Variants in KIRREL3 observed in about 807,000 individuals in gnomAD.
KIRREL3 encodes kirre like nephrin family adhesion molecule 3.
KIRREL3 carries 36 observed loss-of-function variants against 89.7 expected under a neutral mutation model. The observed-to-expected ratio is 0.40, with a 90% CI of 0.31 to 0.53. The LOEUF is 0.53. Ranked by LOEUF, KIRREL3 falls within the 20% of genes least tolerant of loss-of-function variation. The pLI is 0.49. For synonymous variants in KIRREL3, 445 were observed against 441.4 expected, an observed-to-expected ratio of 1.01 and a Z score of -0.10; for missense variants, 864 against 1,056.6, an observed-to-expected ratio of 0.82 and a Z score of 2.53.
intron 1 of KIRREL3, among the ~76,000 whole-genome samples, chr11:126,942,472 C>T (rs1044510663): frequency 1.3e-5 from 2 of 152,118 alleles, no homozygotes; most frequent in Admixed American, 6.5e-5. Context: ...AGGCATAACC[C>T]TAGCCATGGA....
At chr11:126,481,523 C>T (rs1051885676) in intron 4 of KIRREL3, among the ~76,000 whole-genome samples, 19 of 152,226 alleles carry the variant, frequency 1.2e-4, no homozygotes, top group Non-Finnish European at 7.3e-5. Flanking sequence ...CTCCCAGACA[C>T]CCATCCATCC....
chr11:126,798,488 A>G (rs1319670452), intron 1 of KIRREL3, among the ~76,000 whole-genome samples: 1 of 152,246 alleles, frequency 6.6e-6, no homozygotes, highest in African/African-American at 2.4e-5. Flanking sequence ...TTGATGTTTC[A>G]CTGAAATAAT....
Position 126,773,272 on chromosome 11 carries a change from G to A in KIRREL3, c.56-210360C>T, listed in dbSNP as rs926971419. On this transcript the variant is annotated intron_variant, in intron 1 of 16. Coordinates refer to ENST00000525144, the MANE Select transcript of KIRREL3 (RefSeq NM_032531.4). The surrounding 1 kb of genome is among the most constrained non-coding windows in gnomAD (Gnocchi z 4.2). The stretch of plus-strand genomic sequence containing the variant: ...GTTAACACTCTTGAATCAGGGGACT[G>A]AGTGAAGTCAATACAGTGTGGGTCG... Among the ~76,000 whole-genome samples the A allele has an allele frequency of 2.0e-5, 3 of 152,180 alleles. No homozygotes were observed. Among genetic ancestry groups the A allele is most frequent in the Non-Finnish European group, 2.9e-5 (2 of 68,036 alleles).
At chr11:126,556,857 C>A (rs778044543) in intron 2 of KIRREL3, among the ~76,000 whole-genome samples, 3 of 152,222 alleles carry the variant, frequency 2.0e-5, no homozygotes, top group Admixed American at 6.5e-5. Flanking sequence ...GTAAATCTGA[C>A]TCTTGCCATA....
intron 16 of KIRREL3, 112 bp from the exon 17 acceptor site, chr11:126,425,135 G>C (rs1954891983): frequency 2.0e-6 from 2 of 1,015,728 alleles, no homozygotes; most frequent in South Asian, 1.8e-5. Context: ...GGGAAAACAG[G>C]AGGAAGGGAG....
intron 1 of KIRREL3, among the ~76,000 whole-genome samples, chr11:126,678,080 G>A (rs556263029): frequency 1.1e-4 from 17 of 152,258 alleles, no homozygotes; most frequent in South Asian, 6.2e-4. Flanking sequence ...ATGGTTATAC[G>A]CGGTAATGAA....
chr11:126,519,727 G>T lies in KIRREL3; in HGVS notation c.433+1588C>A, dbSNP rs181776632. On this transcript the variant is annotated intron_variant, in intron 4 of 16. Transcript: ENST00000525144. This position sits in a 1 kb window ranked among gnomAD's most constrained non-coding sequence, Gnocchi z 4.3. Reference sequence around the variant, plus strand: ...CTGAAGATGAGGAGCCTACAACTTAGCAAATCTGTTCTGGCATTTTGCAAT... The same window carrying T: ...CTGAAGATGAGGAGCCTACAACTTATCAAATCTGTTCTGGCATTTTGCAAT... Among the ~76,000 whole-genome samples the T allele has an allele frequency of 6.6e-5, 10 of 152,254 alleles. No homozygotes were observed. The East Asian group carries it at 1.5e-3, about 24-fold the overall frequency.
At chr11:126,899,914 A>G (rs538907974) in intron 1 of KIRREL3, among the ~76,000 whole-genome samples, 2 of 152,362 alleles carry the variant, frequency 1.3e-5, no homozygotes, top group South Asian at 4.1e-4. Flanking sequence ...GAGCTCCTAG[A>G]CACAGAACAT....
intron 15 of KIRREL3, among the ~76,000 whole-genome samples, chr11:126,426,322 A>G (rs936341287): frequency 6.6e-6 from 1 of 152,212 alleles, no homozygotes; most frequent in African/African-American, 2.4e-5. Flanking sequence ...TAACTTCCTT[A>G]GAGATGCCAA....
intron 1 of KIRREL3, among the ~76,000 whole-genome samples, chr11:126,577,592 C>CAAAAAAAAAA (rs61210940): frequency 1.0e-4 from 12 of 115,856 alleles, no homozygotes; most frequent in Middle Eastern, 5.2e-3. Context: ...ACTAAAAATA[C>CAAAAAAAAAA]AAAAAAAAAA....
chr11:126,464,360 A>AAC (rs1348437959), intron 5 of KIRREL3, among the ~76,000 whole-genome samples: 1 of 146,084 alleles, frequency 6.8e-6, no homozygotes, highest in East Asian at 2.2e-4. Context: ...AAAAAAAAAA[A>AAC]AAGAAAAAAA....
At chr11:126,964,066 A>G (rs1273761748) in intron 1 of KIRREL3, among the ~76,000 whole-genome samples, 1 of 152,180 alleles carries the variant, frequency 6.6e-6, no homozygotes, top group Non-Finnish European at 1.5e-5. Flanking sequence ...TTCATTTTCC[A>G]TCTCTAGCAA....
chr11:126,961,469 C>T (rs1310474553), intron 1 of KIRREL3, among the ~76,000 whole-genome samples: 2 of 152,180 alleles, frequency 1.3e-5, no homozygotes, highest in Admixed American at 6.5e-5. Context: ...TAAGCCAACA[C>T]CTAATACAGA....
rs187674617 is a variant in KIRREL3, at chr11:126,490,484, G to T, written c.434-17018C>A. 1.2e-3 allele frequency among the ~76,000 whole-genome samples: 183 copies of T among 152,208 alleles called. No homozygotes were observed. Among genetic ancestry groups the T allele is most frequent in the Non-Finnish European group, 1.8e-3 (124 of 68,012 alleles). ...TCCACGGGTGCTCAGAAATCCTGGG[G>T]GCTGAGATACAACCTCAGTGAACAA... On this transcript the variant is annotated intron_variant, in intron 4 of 16. Transcript: ENST00000525144. This position sits in a 1 kb window ranked among gnomAD's most constrained non-coding sequence, Gnocchi z 4.2.
At position 126,709,572 on chromosome 11, in the gene KIRREL3, C is replaced by A. The variant is rs1947676198; in HGVS notation, c.56-146660G>T. On this transcript the variant is annotated intron_variant, in intron 1 of 16. Coordinates refer to ENST00000525144, the MANE Select transcript of KIRREL3 (RefSeq NM_032531.4). This position sits in a 1 kb window ranked among gnomAD's most constrained non-coding sequence, Gnocchi z 4.0. ...AAAGGTGATTAAGTTAAAATGAGGT[C>A]ATTAGGGTGCGTCCTAATCCTGCAT... is the stretch of plus-strand genomic sequence containing the variant. 6.6e-6 allele frequency among the ~76,000 whole-genome samples: 1 copy of A among 152,098 alleles called. No homozygotes were observed. Among genetic ancestry groups the A allele is most frequent in the African/African-American group, 2.4e-5 (1 of 41,398 alleles).
chr11:126,934,089 A>C (rs1948073865), intron 1 of KIRREL3, among the ~76,000 whole-genome samples: 1 of 152,202 alleles, frequency 6.6e-6, no homozygotes, highest in Non-Finnish European at 1.5e-5. Context: ...TAATCCACAC[A>C]GTGTGGTGCT....
intron 11 of KIRREL3, among the ~76,000 whole-genome samples, chr11:126,438,186 C>T (rs1015599952): frequency 2.6e-5 from 4 of 152,264 alleles, no homozygotes; most frequent in African/African-American, 9.6e-5. Context: ...AGGACAGCAG[C>T]CCCATGAACG....
Position 126,744,382 on chromosome 11 carries a change from G to A in KIRREL3, c.56-181470C>T, listed in dbSNP as rs1949076656. 6.6e-6 allele frequency among the ~76,000 whole-genome samples: 1 copy of A among 152,180 alleles called. No homozygotes were observed. The highest frequency in any genetic ancestry group is 2.1e-4 in the South Asian group (1 of 4,832). ...AGAGAGGATGAAAGGGAAGCTGGAG[G>A]CAGGGAGGTCAGGACTGCCATACTG... On this transcript the variant is annotated intron_variant, in intron 1 of 16. Transcript: ENST00000525144. The surrounding 1 kb of genome is among the most constrained non-coding windows in gnomAD (Gnocchi z 4.7).
At chr11:126,657,816 T>A (rs1485447114) in intron 1 of KIRREL3, among the ~76,000 whole-genome samples, 1 of 152,204 alleles carries the variant, frequency 6.6e-6, no homozygotes, top group African/African-American at 2.4e-5. Flanking sequence ...TATGGCTTTT[T>A]CCCCTTTTGC....
Sources: gnomAD v4.1 joint callset for allele counts (sites outside exome capture counted in the v4.1 genomes callset) on GRCh38, gnomAD v4.1.1 for gene constraint, Gnocchi (gnomAD v3.1) non-coding constraint, MANE v1.5 for transcripts, NCBI Gene and HGNC (gene_info 2026-07-23, HGNC 2026-07-21) for gene names.